CSMD1: variants seen among roughly 807,000 people sequenced by gnomAD.
The protein encoded by CSMD1 is CUB and sushi domain-containing protein 1.
In CSMD1, 213 loss-of-function variants were observed where a neutral mutation model predicts 417.5. That is an observed-to-expected ratio of 0.51 (90% confidence interval 0.46 to 0.57). The LOEUF is 0.57. CSMD1 is among the 20% of genes least tolerant of loss of function. The pLI is 0.00. For synonymous variants in CSMD1, 2,862 were observed against 1,736.8 expected, an observed-to-expected ratio of 1.65 and a Z score of -16.11; for missense variants, 6,923 against 4,529.7, an observed-to-expected ratio of 1.53 and a Z score of -15.17.
chr8:4,551,653 C>A (rs1366710344), intron 2 of CSMD1, among the ~76,000 whole-genome samples: 1 of 151,986 alleles, frequency 6.6e-6, no homozygotes, highest in Non-Finnish European at 1.5e-5. Flanking sequence ...TTGGTCCCAA[C>A]ACTTCTCAGG....
intron 1 of CSMD1, among the ~76,000 whole-genome samples, chr8:4,832,641 A>G (rs1051812853): frequency 6.6e-6 from 1 of 152,342 alleles, no homozygotes; most frequent in East Asian, 1.9e-4. Flanking sequence ...TCTATCTGCT[A>G]AATGCTTTAA....
At chr8:4,547,883 C>G (rs1325883244) in intron 2 of CSMD1, among the ~76,000 whole-genome samples, 1 of 152,080 alleles carries the variant, frequency 6.6e-6, no homozygotes, top group Non-Finnish European at 1.5e-5. Context: ...CAGAAGAAAT[C>G]TGAGCAATAA....
chr8:4,440,948 G>C (rs997902058), intron 2 of CSMD1, among the ~76,000 whole-genome samples: 1 of 150,530 alleles, frequency 6.6e-6, no homozygotes, highest in Non-Finnish European at 1.5e-5. Flanking sequence ...AGCGAGCCGA[G>C]ATCATGCCAC....
chr8:3,687,625 G>A (rs1229930383), intron 7 of CSMD1, among the ~76,000 whole-genome samples: 3 of 152,144 alleles, frequency 2.0e-5, no homozygotes, highest in Non-Finnish European at 4.4e-5. Flanking sequence ...TGGGTTCCGA[G>A]CACTGTGCCC....
chr8:3,240,142 G>T (rs1165698536), intron 26 of CSMD1, among the ~76,000 whole-genome samples: 1 of 152,122 alleles, frequency 6.6e-6, no homozygotes, highest in African/African-American at 2.4e-5. Flanking sequence ...AGTAATTTGG[G>T]TAAAAAGGCT....
chr8:3,262,205 A>G lies in CSMD1; in HGVS notation c.4153+21939T>C, dbSNP rs1389054404. Among the ~76,000 whole-genome samples, 6 of 91,368 alleles carry G rather than the reference A, an allele frequency of 6.6e-5. 1 individual carries two copies. The highest frequency in any genetic ancestry group is 5.9e-4 in the South Asian group (2 of 3,392). The allele number at this position is 91,368 out of a possible 152,430, so 59.9% of individuals were successfully genotyped here. On this transcript the variant is annotated intron_variant, in intron 26 of 69. Coordinates refer to ENST00000635120, the MANE Select transcript of CSMD1 (RefSeq NM_033225.6). ...TATGAATATATATATATATATATAT[A>G]TATATATATATATATATATATATAT...
chr8:3,298,994 T>A (rs1376291180), intron 25 of CSMD1, among the ~76,000 whole-genome samples: 3 of 152,200 alleles, frequency 2.0e-5, no homozygotes, highest in Non-Finnish European at 4.4e-5. Context: ...TGCACCCTGG[T>A]ACCATGGAGT....
intron 3 of CSMD1, among the ~76,000 whole-genome samples, chr8:4,208,488 G>A (rs1036981647): frequency 1.4e-4 from 22 of 151,990 alleles, no homozygotes; most frequent in East Asian, 3.9e-4. Flanking sequence ...ATTCATCTGC[G>A]TTCTGTAGTT....
At chr8:4,057,440 G>A (rs572573597) in intron 3 of CSMD1, among the ~76,000 whole-genome samples, 1 of 152,098 alleles carries the variant, frequency 6.6e-6, no homozygotes, top group Non-Finnish European at 1.5e-5. Flanking sequence ...TTAGCCCTTT[G>A]TCAGATGAGT....
intron 2 of CSMD1, among the ~76,000 whole-genome samples, chr8:4,626,174 G>T (rs1463864750): frequency 9.9e-5 from 15 of 152,126 alleles, no homozygotes; most frequent in Admixed American, 9.8e-4. Flanking sequence ...TTTTCAGCAG[G>T]CCAAGGTTTT....
At chr8:3,838,496 G>T (rs536295096) in intron 5 of CSMD1, among the ~76,000 whole-genome samples, 1 of 132,738 alleles carries the variant, frequency 7.5e-6, no homozygotes, top group South Asian at 2.4e-4. Context: ...TAGATATATA[G>T]CCTAGGCTAT....
At chr8:3,692,160 G>T (rs1800284902) in intron 7 of CSMD1, among the ~76,000 whole-genome samples, 1 of 152,160 alleles carries the variant, frequency 6.6e-6, no homozygotes, top group African/African-American at 2.4e-5. Flanking sequence ...TAATGACCAT[G>T]GCCCTACAAC....
At chr8:4,944,734 A>G (rs554277834) in intron 1 of CSMD1, among the ~76,000 whole-genome samples, 2 of 152,314 alleles carry the variant, frequency 1.3e-5, no homozygotes, top group Admixed American at 6.5e-5. Flanking sequence ...AAATAAATCA[A>G]TAAAAACAAA....
chr8:4,226,243 A>G (rs989324985), intron 3 of CSMD1, among the ~76,000 whole-genome samples: 1 of 152,230 alleles, frequency 6.6e-6, no homozygotes, highest in African/African-American at 2.4e-5. Context: ...AACAAAAAGT[A>G]AAATAGTGTA....
intron 20 of CSMD1, among the ~76,000 whole-genome samples, chr8:3,361,862 G>A (rs1002145041): frequency 9.9e-5 from 15 of 152,128 alleles, no homozygotes; most frequent in Non-Finnish European, 2.1e-4. Context: ...ACAACACCAT[G>A]AGGTTAGAAG....
chr8:4,181,224 G>C (rs79267954), intron 3 of CSMD1, among the ~76,000 whole-genome samples: 1,791 of 152,080 alleles, frequency 0.012, 19 homozygotes, highest in Non-Finnish European at 0.019. Context: ...ATTTAAATTT[G>C]GTACTTATTA....
Position 4,469,148 on chromosome 8 carries a change from G to C in CSMD1, c.303-49083C>G, listed in dbSNP as rs139957835. 4.5e-3 allele frequency among the ~76,000 whole-genome samples: 691 copies of C among 152,246 alleles called. 2 individuals carry two copies. Among genetic ancestry groups the C allele is most frequent in the African/African-American group, 0.016 (645 of 41,548 alleles). ...CTCTTTTGGTAGGAAAATGGAAGAA[G>C]GCACTACTTACTTAAAGACAAATAC... On this transcript the variant is annotated intron_variant, in intron 2 of 69. Transcript: ENST00000635120.
chr8:3,118,499 A>T lies in CSMD1; in HGVS notation c.6330T>A (p.Ser2110=), dbSNP rs760454457. Residue 2110 remains serine, a synonymous_variant, in exon 42 of 70, where the codon TCT becomes TCA. Coordinates refer to ENST00000635120, the MANE Select transcript of CSMD1 (RefSeq NM_033225.6). ...NSDYSVGQSV[S]FECYPGYILI... ...GAATGTACCCAGGATAACACTCGAA[A>T]GATACTGATTGCCCCACGCTGTAAT... 1 of 1,613,938 alleles carries T rather than the reference A, an allele frequency of 6.2e-7. No individual in the cohort carries two copies. Among genetic ancestry groups the T allele is most frequent in the South Asian group, 1.1e-5 (1 of 91,084 alleles).
intron 1 of CSMD1, among the ~76,000 whole-genome samples, chr8:4,928,659 C>T (rs944514241): frequency 5.9e-5 from 9 of 152,190 alleles, no homozygotes; most frequent in Admixed American, 2.6e-4. Flanking sequence ...TTCATTGTTA[C>T]TCAGGGTTTT....
Sources: allele counts gnomAD v4.1 joint callset (sites outside exome capture counted in the v4.1 genomes callset), GRCh38; gene constraint gnomAD v4.1.1; transcripts MANE v1.5; gene names NCBI Gene and HGNC (gene_info 2026-07-23, HGNC 2026-07-21).